RARB: variants seen among roughly 807,000 people sequenced by gnomAD.
The protein encoded by RARB is retinoic acid receptor beta.
A neutral mutation model predicts 51.9 loss-of-function variants in RARB; 17 were observed. That is an observed-to-expected ratio of 0.33 (90% CI 0.22 to 0.49). The LOEUF is 0.49. RARB is among the 20% of genes least tolerant of loss of function. The probability of loss-of-function intolerance (pLI) is 0.99; values close to 1 mark genes in which losing one functional copy is unlikely to be tolerated. For synonymous variants in RARB, 215 were observed against 195.4 expected, an observed-to-expected ratio of 1.10 and a Z score of -0.84; for missense variants, 369 against 550.8, an observed-to-expected ratio of 0.67 and a Z score of 3.30.
chr3:25,383,665 C>T (rs191610296), intron 5 of RARB, among the ~76,000 whole-genome samples: 1,568 of 152,246 alleles, frequency 0.01, 21 homozygotes, highest in Non-Finnish European at 0.016. Flanking sequence ...CGGTGGCTCA[C>T]GCCTGTAATC....
intron 2 of RARB, among the ~76,000 whole-genome samples, chr3:24,901,000 A>G (rs1703594124): frequency 6.6e-6 from 1 of 152,212 alleles, no homozygotes; most frequent in Non-Finnish European, 1.5e-5. Flanking sequence ...CCAGGACTTA[A>G]AATATGTTAG....
chr3:25,276,134 A>AT (rs1703378139), intron 5 of RARB, among the ~76,000 whole-genome samples: 1 of 152,188 alleles, frequency 6.6e-6, no homozygotes, highest in Non-Finnish European at 1.5e-5. Context: ...AATTCATGTA[A>AT]AAGCCTTAGA....
chr3:25,425,489 G>C (rs1283915692), upstream of RARB, among the ~76,000 whole-genome samples: 1 of 152,086 alleles, frequency 6.6e-6, no homozygotes, highest in Non-Finnish European at 1.5e-5. Flanking sequence ...TTCATGATGA[G>C]GAATGATTAA....
At chr3:25,260,817 G>A (rs953166370) in intron 5 of RARB, among the ~76,000 whole-genome samples, 20 of 152,142 alleles carry the variant, frequency 1.3e-4, no homozygotes, top group African/African-American at 4.6e-4. Flanking sequence ...GATTAACTTT[G>A]CTGATTCTTG....
chr3:25,419,938 TG>T (rs1181179650), intron 5 of RARB, among the ~76,000 whole-genome samples: 17 of 150,544 alleles, frequency 1.1e-4, no homozygotes, highest in Non-Finnish European at 2.9e-5. Context: ...AAACTAATTT[TG>T]GAAGCCACCA....
intron 1 of RARB, among the ~76,000 whole-genome samples, chr3:24,848,015 A>G (rs1465724955): frequency 6.6e-6 from 1 of 152,228 alleles, no homozygotes. Flanking sequence ...GCCTTCAAAT[A>G]TAAAGTATCA....
chr3:25,153,513 G>A (rs1307564260), intron 4 of RARB, among the ~76,000 whole-genome samples: 1 of 152,138 alleles, frequency 6.6e-6, no homozygotes, highest in Non-Finnish European at 1.5e-5. Context: ...ATTCAATGAG[G>A]TTAGGGTTGG....
chr3:25,547,930 T>G (rs1040007323), intron 3 of RARB, among the ~76,000 whole-genome samples: 6 of 152,132 alleles, frequency 3.9e-5, no homozygotes, highest in African/African-American at 1.4e-4. Flanking sequence ...AAACCCAATA[T>G]AAAAACCCCT....
intron 5 of RARB, among the ~76,000 whole-genome samples, chr3:25,330,493 C>T (rs1293821199): frequency 6.6e-6 from 1 of 152,140 alleles, no homozygotes; most frequent in East Asian, 1.9e-4. Context: ...CAGGCCTGCC[C>T]TACAAGAGCT....
chr3:24,982,315 C>T (rs745881900), intron 2 of RARB, among the ~76,000 whole-genome samples: 17 of 152,342 alleles, frequency 1.1e-4, no homozygotes, highest in Non-Finnish European at 1.9e-4. Context: ...CCAGCCTAAT[C>T]TTTATCCAAA....
Position 25,256,585 on chromosome 3 carries a change from G to A in RARB, c.178+82010G>A, listed in dbSNP as rs77025509. Among the ~76,000 whole-genome samples, 200 of 152,148 alleles carry A rather than the reference G, an allele frequency of 1.3e-3. 4 individuals are homozygous for A. In the East Asian group the frequency reaches 0.033, roughly 25 times the overall value. ...GCTGCAAAGTAGCCCATAATCAAAC[G>A]TATAACCATGAGTTCAGAATTTTTA... On this transcript the variant is annotated intron_variant, in intron 5 of 11. Coordinates refer to the RARB transcript ENST00000383772.
At chr3:24,861,600 A>T (rs1391106975) in intron 2 of RARB, among the ~76,000 whole-genome samples, 1 of 17,000 alleles carries the variant, frequency 5.9e-5, no homozygotes, top group African/African-American at 2.8e-4. Flanking sequence ...GTTATAAAAA[A>T]AAAAAAAAAA....
rs148576040 is a variant in RARB at position 25,513,501 on chromosome 3, T to C, written c.448+12178T>C. ...CTTATTGATATCATGAGCCCATTTT[T>C]ACCTTTCCCATTCTGCCTCCTCTCC... On this transcript the variant is annotated intron_variant, in intron 3 of 7. Coordinates refer to ENST00000330688, the MANE Select transcript of RARB (RefSeq NM_000965.5). 1.2e-4 allele frequency among the ~76,000 whole-genome samples: 19 copies of C among 152,294 alleles called. 1 individual carries two copies. In the East Asian group the frequency reaches 3.7e-3, roughly 29 times the overall value.
At chr3:25,145,337 C>T (rs1016872627) in intron 4 of RARB, among the ~76,000 whole-genome samples, 1 of 152,074 alleles carries the variant, frequency 6.6e-6, no homozygotes, top group African/African-American at 2.4e-5. Context: ...ATCCTGCTGA[C>T]CCTGTGGAAA....
chr3:25,557,631 G>A (rs865790258), intron 3 of RARB, among the ~76,000 whole-genome samples: 1 of 152,046 alleles, frequency 6.6e-6, no homozygotes, highest in East Asian at 1.9e-4. Context: ...CTGCTATCCT[G>A]GCACTTCCCT....
chr3:24,986,384 A>ATTT (rs1696794783), intron 2 of RARB, among the ~76,000 whole-genome samples: 1 of 152,246 alleles, frequency 6.6e-6, no homozygotes, highest in African/African-American at 2.4e-5. Flanking sequence ...GCAGACATAG[A>ATTT]TTAAAGATCT....
At chr3:25,329,335 A>G (rs1704822034) in intron 5 of RARB, among the ~76,000 whole-genome samples, 1 of 152,132 alleles carries the variant, frequency 6.6e-6, no homozygotes. Context: ...CTTCCAGAGG[A>G]AGGATAAGGC....
intron 5 of RARB, among the ~76,000 whole-genome samples, chr3:25,210,494 TCTGACCC>T: frequency 6.9e-6 from 1 of 145,306 alleles, no homozygotes; most frequent in Non-Finnish European, 1.5e-5. Flanking sequence ...AGAGACTTCA[TCTGACCC>T]CTGAAAGCCT....
intron 5 of RARB, among the ~76,000 whole-genome samples, chr3:25,351,889 A>G (rs1002322894): frequency 6.6e-6 from 1 of 152,162 alleles, no homozygotes; most frequent in African/African-American, 2.4e-5. Context: ...TGATTATGCT[A>G]ACCTTAACCA....
Sources: allele counts gnomAD v4.1 joint callset (sites outside exome capture counted in the v4.1 genomes callset), GRCh38; gene constraint gnomAD v4.1.1; transcripts MANE v1.5; gene names NCBI Gene and HGNC (gene_info 2026-07-23, HGNC 2026-07-21).